NFIB: variants seen among roughly 807,000 people sequenced by gnomAD.
NFIB encodes nuclear factor 1 B-type.
Under a neutral mutation model 61.5 loss-of-function variants are expected in NFIB, and 11 were observed. That is an observed-to-expected ratio of 0.18 (90% CI 0.11 to 0.30). The LOEUF (loss-of-function observed/expected upper bound fraction) is 0.30. Ranked by LOEUF, NFIB falls within the 10% of genes least tolerant of loss-of-function variation. The pLI, the probability that NFIB is intolerant of heterozygous loss-of-function variation, is 1.00. For missense variants in NFIB, 471 were observed against 608.9 expected, an observed-to-expected ratio of 0.77 and a Z score of 2.38; for synonymous variants, 260 against 216.5, an observed-to-expected ratio of 1.20 and a Z score of -1.76.
intron 1 of NFIB, among the ~76,000 whole-genome samples, chr9:14,389,713 A>C (rs1019180160): frequency 6.6e-6 from 1 of 152,048 alleles, no homozygotes; most frequent in Admixed American, 6.6e-5. Context: ...GATCACAAGC[A>C]GAACAGTAAT....
intron 2 of NFIB, among the ~76,000 whole-genome samples, chr9:14,303,324 C>G (rs928452297): frequency 1.3e-5 from 2 of 152,148 alleles, no homozygotes; most frequent in Non-Finnish European, 2.9e-5. Context: ...ACCCTGCATC[C>G]TATAGGACAC....
At chr9:14,489,768 A>G in the NFIB span, among the ~76,000 whole-genome samples, 3 of 152,024 alleles carry the variant, frequency 2.0e-5, no homozygotes, top group African/African-American at 7.2e-5. Flanking sequence ...TATATTTTTC[A>G]TATCTATACA....
At chr9:14,092,867 T>C (rs1479132715) in intron 10 of NFIB, among the ~76,000 whole-genome samples, 1 of 152,180 alleles carries the variant, frequency 6.6e-6, no homozygotes, top group African/African-American at 2.4e-5. Context: ...TTATCCTGGA[T>C]AAACTGGGCA....
intron 2 of NFIB, among the ~76,000 whole-genome samples, chr9:14,265,328 T>C (rs1317518552): frequency 6.6e-6 from 1 of 152,154 alleles, no homozygotes; most frequent in Non-Finnish European, 1.5e-5. Flanking sequence ...AACAGGGCCT[T>C]CATATTTGGA....
chr9:14,496,444 C>T, the NFIB span, among the ~76,000 whole-genome samples: 1 of 152,196 alleles, frequency 6.6e-6, no homozygotes, highest in East Asian at 1.9e-4. Flanking sequence ...GATTTTGGAG[C>T]ATTTTGGATT....
intron 3 of NFIB, among the ~76,000 whole-genome samples, chr9:14,178,980 A>C (rs1361840982): frequency 6.6e-6 from 1 of 152,110 alleles, no homozygotes; most frequent in Admixed American, 6.5e-5. Flanking sequence ...TTGTTAGTTT[A>C]TTCTTAGAGC....
At chr9:14,464,987 T>C in the NFIB span, among the ~76,000 whole-genome samples, 1 of 152,120 alleles carries the variant, frequency 6.6e-6, no homozygotes, top group Non-Finnish European at 1.5e-5. Flanking sequence ...GGGAGTGCCA[T>C]GATGACAGGC....
Position 14,254,948 on chromosome 9 carries a change from C to G in NFIB, c.562+52041G>C, listed in dbSNP as rs563282222. On this transcript the variant is annotated intron_variant, in intron 2 of 10. Transcript: ENST00000380953. ...TTAAAGTATTAGCTTATGAAAGCGCCAACCATGCTTCCAAATTTCAAAACA... is the reference window on the plus strand; with the variant it reads ...TTAAAGTATTAGCTTATGAAAGCGCGAACCATGCTTCCAAATTTCAAAACA... 3.9e-4 allele frequency among the ~76,000 whole-genome samples: 60 copies of G among 152,260 alleles called. No homozygotes were observed. The East Asian group carries it at 9.3e-3, about 24-fold the overall frequency.
intron 3 of NFIB, among the ~76,000 whole-genome samples, chr9:14,167,541 AAAAC>A (rs887599841): frequency 6.6e-6 from 1 of 152,162 alleles, no homozygotes; most frequent in Admixed American, 6.5e-5. Flanking sequence ...TCAACAAAAC[AAAAC>A]AAACAAACAC....
At chr9:14,375,893 C>T (rs2061413331) in intron 1 of NFIB, among the ~76,000 whole-genome samples, 1 of 152,164 alleles carries the variant, frequency 6.6e-6, no homozygotes, top group Admixed American at 6.5e-5. Flanking sequence ...AGAGCTGATA[C>T]ATCATCCAAG....
chr9:14,326,580 T>C (rs1054374737), intron 1 of NFIB, among the ~76,000 whole-genome samples: 5 of 151,886 alleles, frequency 3.3e-5, no homozygotes, highest in African/African-American at 9.7e-5. Context: ...GTATGGCTCA[T>C]AGCCTTACCA....
At chr9:14,112,551 G>A (rs929347549) in intron 10 of NFIB, among the ~76,000 whole-genome samples, 5 of 152,246 alleles carry the variant, frequency 3.3e-5, no homozygotes, top group Middle Eastern at 6.8e-3. Context: ...TTTTAACTTC[G>A]TAACTCATCG....
intron 3 of NFIB, among the ~76,000 whole-genome samples, chr9:14,158,631 C>G (rs1026901323): frequency 2.0e-5 from 3 of 152,134 alleles, no homozygotes; most frequent in Admixed American, 1.3e-4. Context: ...ACTTTACAAA[C>G]AGGGTCACAC....
intron 6 of NFIB, among the ~76,000 whole-genome samples, chr9:14,135,956 C>T (rs144365940): frequency 6.6e-6 from 1 of 152,072 alleles, no homozygotes; most frequent in South Asian, 2.1e-4. Context: ...GTCTCTCTTG[C>T]CATATATTTT....
chr9:14,136,754 C>T (rs1392124981), intron 6 of NFIB, among the ~76,000 whole-genome samples: 2 of 152,082 alleles, frequency 1.3e-5, no homozygotes, highest in East Asian at 3.9e-4. Context: ...TGCTTGAGAA[C>T]AATTATGATT....
the NFIB span, among the ~76,000 whole-genome samples, chr9:14,410,385 T>C: frequency 1.3e-5 from 2 of 152,204 alleles, no homozygotes; most frequent in African/African-American, 2.4e-5. Flanking sequence ...CGTGTATCAA[T>C]TGTCTTACAT....
intron 1 of NFIB, among the ~76,000 whole-genome samples, chr9:14,341,939 GAA>G (rs5896628): frequency 0.055 from 7,782 of 140,622 alleles, 361 homozygotes; most frequent in African/African-American, 0.13. Flanking sequence ...TCCTCGGGAG[GAA>G]AAAAAAAAAA....
intron 2 of NFIB, among the ~76,000 whole-genome samples, chr9:14,301,333 T>C (rs549308882): frequency 1.3e-5 from 2 of 152,302 alleles, no homozygotes; most frequent in South Asian, 2.1e-4. Context: ...TGGAGATATT[T>C]GGAATTATTT....
intron 1 of NFIB, among the ~76,000 whole-genome samples, chr9:14,324,850 A>G (rs914340722): frequency 1.3e-5 from 2 of 152,122 alleles, no homozygotes; most frequent in Non-Finnish European, 2.9e-5. Flanking sequence ...ATATGTACAC[A>G]TATTATCATT....
Sources: gnomAD v4.1 joint callset for allele counts (sites outside exome capture counted in the v4.1 genomes callset) on GRCh38, gnomAD v4.1.1 for gene constraint, MANE v1.5 for transcripts, NCBI Gene and HGNC (gene_info 2026-07-23, HGNC 2026-07-21) for gene names.